Variants in AR observed in about 807,000 individuals in gnomAD.
AR encodes the protein dihydrotestosterone receptor.
A neutral mutation model predicts 53.9 loss-of-function variants in AR; 8 were observed. The ratio of observed to expected loss-of-function variants is 0.15; its 90% CI spans 0.09 to 0.27. The LOEUF (loss-of-function observed/expected upper bound fraction) is 0.27, where lower values mean the gene tolerates loss of function less well. Among genes scored for constraint, AR ranks in the 10% least tolerant of loss-of-function variants. The pLI is 1.00. For missense variants in AR, 639 were observed against 742.5 expected (o/e 0.86, Z 1.62); for synonymous variants, 359 against 316.4 (o/e 1.13, Z -1.43).
chrX:67,707,022 A>T (rs1162712168), intron 3 of AR, among the ~76,000 whole-genome samples: 1 of 112,015 alleles, frequency 8.9e-6, no homozygotes, highest in African/African-American at 3.2e-5. Context: ...ACAGTTTGTT[A>T]TAATTTCTGT....
At chrX:67,717,134 A>AT (rs758266058) in intron 4 of AR, among the ~76,000 whole-genome samples, 11 of 112,013 alleles carry the variant, frequency 9.8e-5, no homozygotes, top group African/African-American at 1.6e-4. Context: ...ATTATTTTTA[A>AT]TTTTTTTAAA....
chrX:67,665,590 C>G lies in AR; in HGVS notation c.1769-20420C>G, dbSNP rs1215476326. ...TAGCCCTTCTTTCTTCTTCATTAAT[C>G]CATCTCCTATGCTCCTATGGGGTCC... is the stretch of plus-strand genomic sequence containing the variant. On this transcript the variant is annotated intron_variant, in intron 2 of 7. Transcript: ENST00000374690. Among the ~76,000 whole-genome samples, 6 of 111,668 alleles carry G rather than the reference C, an allele frequency of 5.4e-5. No individual in the cohort carries two copies. The East Asian group carries it at 1.7e-3, about 32-fold the overall frequency.
chrX:67,632,854 A>T (rs1480849683), intron 1 of AR, among the ~76,000 whole-genome samples: 1 of 112,353 alleles, frequency 8.9e-6, no homozygotes, highest in African/African-American at 3.2e-5. Context: ...ACCCAATTTT[A>T]AAATGGGCAA....
chrX:67,639,458 T>A (rs1925630512), intron 1 of AR, among the ~76,000 whole-genome samples: 1 of 112,131 alleles, frequency 8.9e-6, no homozygotes, highest in South Asian at 3.7e-4. Flanking sequence ...GAGCATGGAA[T>A]GGTTTTCCAT....
Position 67,660,066 on chromosome X carries a change from T to G in AR, c.1768+16659T>G, listed in dbSNP as rs768796152. ...GCCCACTTTTTGATAGGGTTGTTTG[T>G]TTTTTTCTTGTAAATTTGTTTGAGT... On this transcript the variant is annotated intron_variant, in intron 2 of 7. Coordinates refer to ENST00000374690, the MANE Select transcript of AR (RefSeq NM_000044.6). 9.8e-5 allele frequency among the ~76,000 whole-genome samples: 11 copies of G among 112,181 alleles called. No homozygotes were observed. The East Asian group carries it at 2.8e-3, about 29-fold the overall frequency.
chrX:67,702,850 G>T (rs539684546), intron 3 of AR, among the ~76,000 whole-genome samples: 1 of 111,975 alleles, frequency 8.9e-6, no homozygotes, highest in South Asian at 3.7e-4. Context: ...TTGGGAGGCC[G>T]AGATGGGAGG....
chrX:67,575,717 C>T (rs962069112), intron 1 of AR, among the ~76,000 whole-genome samples: 2 of 111,300 alleles, frequency 1.8e-5, no homozygotes, highest in African/African-American at 6.5e-5. Flanking sequence ...AAAGAATATC[C>T]CATTCTTTTC....
Position 67,724,265 on chromosome X carries a change from A to C in AR, c.*424A>C, listed in dbSNP as rs1202003825. 1 of 137,867 alleles carries C rather than the reference A, an allele frequency of 7.3e-6. No homozygotes were observed. The highest frequency in any genetic ancestry group is 1.4e-4 in the Admixed American group (1 of 7,116). The allele number at this position is 137,867 out of a possible 1,213,427, so 11.4% of individuals were successfully genotyped here. A position where few individuals can be genotyped will look rare whatever the true frequency, so the allele number is the denominator to read the frequency against. Reference sequence around the variant, plus strand: ...AAGATTATCTGGGGAAATCAAAACAAAAACAAGCAAACAAAAAAAAAAAGC... The same window carrying C: ...AAGATTATCTGGGGAAATCAAAACACAAACAAGCAAACAAAAAAAAAAAGC... On this transcript the variant is annotated 3_prime_UTR_variant, in exon 8 of 8. Transcript: ENST00000374690.
intron 1 of AR, among the ~76,000 whole-genome samples, chrX:67,619,131 G>T (rs925488933): frequency 1.5e-4 from 17 of 111,302 alleles, no homozygotes; most frequent in African/African-American, 5.6e-4. Context: ...TAATATATCA[G>T]TGAGTTATGA....
chrX:67,593,108 A>G (rs939947137), intron 1 of AR, among the ~76,000 whole-genome samples: 2 of 111,473 alleles, frequency 1.8e-5, no homozygotes, highest in African/African-American at 3.3e-5. Context: ...CACTGTTAAC[A>G]TTACTGTTTT....
In AR at chrX:67,544,485, C is replaced by G. The variant is rs1929614511; in HGVS notation, c.-662C>G. On this transcript the variant is annotated 5_prime_UTR_variant, in exon 1 of 8. Coordinates refer to ENST00000374690, the MANE Select transcript of AR (RefSeq NM_000044.6). ...GCCCCCGTCGGCCCAGCGCTGCCAG[C>G]CCGAGTTTGCAGAGAGGTAACTCCC... The G allele has an allele frequency of 6.7e-6, 1 of 149,286 alleles. No individual in the cohort carries two copies. The highest frequency in any genetic ancestry group is 1.2e-5 in the Non-Finnish European group (1 of 80,403). 12.3% of individuals were successfully genotyped at this position (149,286 alleles called of 1,213,427 possible).
At chrX:67,654,626 C>A (rs59625430) in intron 2 of AR, among the ~76,000 whole-genome samples, 1 of 108,058 alleles carries the variant, frequency 9.3e-6, no homozygotes, top group African/African-American at 3.4e-5. Flanking sequence ...AATTCAAGTC[C>A]TAAGCCACTG....
At chrX:67,709,597 C>T (rs1051278473) in intron 3 of AR, among the ~76,000 whole-genome samples, 13 of 112,145 alleles carry the variant, frequency 1.2e-4, no homozygotes, top group African/African-American at 2.9e-4. Context: ...CCGGGTGAGG[C>T]GATGCCTCTC....
intron 2 of AR, among the ~76,000 whole-genome samples, chrX:67,665,092 G>A (rs112940874): frequency 4.2e-4 from 48 of 112,965 alleles, no homozygotes; most frequent in African/African-American, 1.5e-3. Context: ...GCCCTGCTTT[G>A]GCTCATGCTC....
intron 2 of AR, 95 bp from the exon 3 acceptor site, chrX:67,685,915 A>G (rs1314329058): frequency 1.7e-6 from 2 of 1,161,709 alleles, no homozygotes; most frequent in East Asian, 3.0e-5. Context: ...GTGGTAGGAT[A>G]TAATTTCATA....
chrX:67,690,159 C>T (rs2075988038), intron 3 of AR, among the ~76,000 whole-genome samples: 1 of 112,054 alleles, frequency 8.9e-6, no homozygotes, highest in Non-Finnish European at 1.9e-5. Context: ...GAGACCTAGA[C>T]CATGTGAGAA....
intron 1 of AR, among the ~76,000 whole-genome samples, chrX:67,555,563 A>T (rs1921012257): frequency 8.9e-6 from 1 of 112,301 alleles, no homozygotes; most frequent in South Asian, 3.7e-4. Context: ...TCTGAATTTG[A>T]CATAAGAGTT....
chrX:67,589,746 C>A (rs905603956), intron 1 of AR, among the ~76,000 whole-genome samples: 2 of 111,618 alleles, frequency 1.8e-5, no homozygotes, highest in Non-Finnish European at 3.8e-5. Flanking sequence ...CTTTGGTGTG[C>A]ATGGAGGTTG....
chrX:67,569,296 T>C (rs1921709335), intron 1 of AR, among the ~76,000 whole-genome samples: 1 of 111,045 alleles, frequency 9.0e-6, no homozygotes, highest in Non-Finnish European at 1.9e-5. Flanking sequence ...GCCTTTTTCA[T>C]GCATACTGGC....
Sources: gnomAD v4.1 joint callset for allele counts (sites outside exome capture counted in the v4.1 genomes callset) on GRCh38, gnomAD v4.1.1 for gene constraint, MANE v1.5 for transcripts, NCBI Gene and HGNC (gene_info 2026-07-23, HGNC 2026-07-21) for gene names.